DENND2D: variants seen among roughly 807,000 people sequenced by gnomAD.
DENND2D encodes the protein DENN domain containing 2D, also known as DENN domain-containing protein 2D.
Under a neutral mutation model 59.8 loss-of-function variants are expected in DENND2D, and 37 were observed. That is an observed-to-expected ratio of 0.62 (90% CI 0.48 to 0.81). DENND2D has a LOEUF of 0.81. Ranked by LOEUF, DENND2D falls within the 40% of genes least tolerant of loss-of-function variation. The pLI is 0.00. For missense variants in DENND2D, 525 were observed against 579.7 expected (o/e 0.91, Z 0.97); for synonymous variants, 219 against 211.3 (o/e 1.04, Z -0.31).
intron 2 of DENND2D, 82 bp from the exon 3 acceptor site, chr1:111,198,824 C>A: frequency 7.0e-7 from 1 of 1,425,176 alleles, no homozygotes. Flanking sequence ...GGTGGGCTTC[C>A]TTTGAGGCTC....
At chr1:111,198,447 A>G (rs1658462388) in intron 3 of DENND2D, among the ~76,000 whole-genome samples, 183 bp downstream of exon 3, 1 of 152,214 alleles carries the variant, frequency 6.6e-6, no homozygotes, top group Admixed American at 6.5e-5. Context: ...GTGACTGATC[A>G]AACTGATAGC....
rs1380954448 is a variant in DENND2D at position 111,186,826 on chromosome 1, G to A, written c.*779C>T. Among the ~76,000 whole-genome samples, 1 of 152,206 alleles carries A rather than the reference G, an allele frequency of 6.6e-6. No homozygotes were observed. Among genetic ancestry groups the A allele is most frequent in the African/African-American group, 2.4e-5 (1 of 41,456 alleles). On this transcript the variant is annotated 3_prime_UTR_variant, in exon 12 of 12. Coordinates refer to ENST00000357640, the MANE Select transcript of DENND2D (RefSeq NM_024901.5). ...AAACAGACCTACGTATGGAAGCCAT[G>A]TAGTGTTCTTCACAGGCTGCTGTTG...
intron 8 of DENND2D, among the ~76,000 whole-genome samples, chr1:111,191,343 C>G (rs1314330810): frequency 6.6e-6 from 1 of 152,188 alleles, no homozygotes; most frequent in Non-Finnish European, 1.5e-5. Context: ...GGATAAGTCT[C>G]TGGAGCTCAG....
chr1:111,197,970 G>A lies in DENND2D; in HGVS notation c.376C>T (p.Leu126=). ...TTTCTGCTCCCATCCACATTGGTCA[G>A]AACGAAGGAGAAGGTCTCCCTAAGA... ...EYPRETFSFV[L]TNVDGSRKIG... Residue 126 remains leucine, a synonymous_variant, in exon 4 of 12, where the codon CTG becomes TTG. Transcript: ENST00000357640. 3 of 1,614,120 alleles carry A rather than the reference G, an allele frequency of 1.9e-6. No individual in the cohort carries two copies. The highest frequency in any genetic ancestry group is 2.5e-6 in the Non-Finnish European group (3 of 1,180,020).
At chr1:111,194,802 C>A in intron 6 of DENND2D, 76 bp from the exon 7 acceptor site, 2 of 1,521,682 alleles carry the variant, frequency 1.3e-6, no homozygotes, top group South Asian at 1.2e-5. Flanking sequence ...TAGGCCTCTA[C>A]CAGCCTCTAT....
At chr1:111,196,093 G>A (rs760700719) in intron 5 of DENND2D, 37 bp from the exon 6 acceptor site, 40 of 1,574,912 alleles carry the variant, frequency 2.5e-5, no homozygotes, top group Non-Finnish European at 3.4e-5. Flanking sequence ...ACGGCTCAAA[G>A]GGACACTACC....
At chr1:111,203,355 C>T (rs192974544), upstream of DENND2D, among the ~76,000 whole-genome samples, 68 of 152,320 alleles carry the variant, frequency 4.5e-4, 1 homozygote, top group Non-Finnish European at 7.9e-4. Flanking sequence ...GGCCTCCTGG[C>T]GTGCCAATGT....
chr1:111,200,562 C>T lies in DENND2D; in HGVS notation c.-103G>A, dbSNP rs778697212. 205 of 1,522,492 alleles carry T rather than the reference C, an allele frequency of 1.3e-4. No individual in the cohort carries two copies. Among genetic ancestry groups the T allele is most frequent in the Non-Finnish European group, 1.5e-4 (175 of 1,129,736 alleles). 94.3% of individuals were successfully genotyped at this position (1,522,492 alleles called of 1,614,324 possible). The stretch of plus-strand genomic sequence containing the variant: ...GCTGCTTCGGTCTCCAGCCACAACT[C>T]TGTGAAGCCAAGCCACGCGCTGTCT... On this transcript the variant is annotated 5_prime_UTR_variant, in exon 1 of 12. Coordinates refer to ENST00000357640, the MANE Select transcript of DENND2D (RefSeq NM_024901.5).
chr1:111,191,866 C>A (rs1298108850), intron 8 of DENND2D, among the ~76,000 whole-genome samples: 1 of 152,304 alleles, frequency 6.6e-6, no homozygotes, highest in South Asian at 2.1e-4. Context: ...CTATCCACTG[C>A]CCCTTATGCC....
At chr1:111,198,040 A>C (rs920263693) in intron 3 of DENND2D, 51 bp from the exon 4 acceptor site, 2 of 1,586,568 alleles carry the variant, frequency 1.3e-6, no homozygotes, top group East Asian at 4.5e-5. Context: ...GAATCCTAAA[A>C]CAGGAAAGTG....
chr1:111,193,333 CTGAAGAAAGTAAACGTCTGAGAGG>C (rs1370031853), intron 7 of DENND2D, among the ~76,000 whole-genome samples: 1 of 152,184 alleles, frequency 6.6e-6, no homozygotes. Context: ...TGGGATTTCC[CTGAAGAAAGTAAACGTCTGAGAGG>C]TGAATCCTGC....
chr1:111,199,956 C>A, intron 1 of DENND2D, 158 bp from the exon 2 acceptor site: 1 of 922,156 alleles, frequency 1.1e-6, no homozygotes, highest in Non-Finnish European at 1.6e-6. Context: ...GGATCAGGGC[C>A]AAATGGGCAG....
upstream of DENND2D, chr1:111,204,389 G>A: frequency 7.3e-7 from 1 of 1,360,880 alleles, no homozygotes; most frequent in Non-Finnish European, 9.4e-7. Context: ...TCCCAGCTCC[G>A]CGCTGGCCCC....
chr1:111,197,865 G>C, intron 4 of DENND2D, 55 bp downstream of exon 4: 3 of 1,611,168 alleles, frequency 1.9e-6, no homozygotes, highest in Non-Finnish European at 1.7e-6. Flanking sequence ...AGCAAGCCCA[G>C]CCGTGGAGCT....
In DENND2D at chr1:111,192,143, T is replaced by G; in HGVS notation, c.969A>C (p.Glu323Asp). ...CACTCTTCTTGCCACATCATACCTC[T>G]TCCATAGGGCTGTCCATGACCTCCT... ...FQQEVMDSPM[E>D]EVLLVNLCEG... The change falls in exon 8 of 12, where the codon GAA (glutamate) becomes GAC (aspartate). Residue 323 changes from glutamate (E) to aspartate (D), a missense_variant. This residue lies in a region of DENND2D where 225 missense variants were observed against 252.4 expected (regional missense o/e 0.89). Transcript: ENST00000357640. 1 of 1,597,502 alleles carries G rather than the reference T, an allele frequency of 6.3e-7. No individual in the cohort carries two copies. Among genetic ancestry groups the G allele is most frequent in the Non-Finnish European group, 8.5e-7 (1 of 1,169,786 alleles).
At position 111,200,350 on chromosome 1, in the gene DENND2D, A is replaced by T. The variant is rs111300880; in HGVS notation, c.67+43T>A. ...CAAGGAAGAAACAGTCCCGCCTAAG[A>T]GGGTCACCCTAAAAACAAGGAAGTA... On this transcript the variant is annotated intron_variant, in intron 1 of 11. Coordinates refer to ENST00000357640, the MANE Select transcript of DENND2D (RefSeq NM_024901.5). 1.9e-6 allele frequency: 3 copies of T among 1,597,252 alleles called. No individual in the cohort carries two copies. The South Asian group carries it at 3.4e-5, about 18-fold the overall frequency.
chr1:111,204,248 C>A, upstream of DENND2D: 1 of 1,448,714 alleles, frequency 6.9e-7, no homozygotes, highest in South Asian at 1.4e-5. Context: ...AGCCCCGGCT[C>A]CCCGGTGCCC....
rs369639340 is a variant in DENND2D, at chr1:111,188,251, T to C, written c.1219A>G (p.Arg407Gly). Residue 407 changes from arginine (R) to glycine (G), a missense_variant, in exon 11 of 12, where the codon AGA becomes GGA. Arg to Gly is a moderately radical substitution (Grantham distance 125). Coordinates refer to ENST00000357640, the MANE Select transcript of DENND2D (RefSeq NM_024901.5). ...EANGQGHFQE[R>G]SFCKALTSKT... ...GAGGTCAGAGCCTTACAGAAGGATCTTTCTTGGAAGTGGCCTTGCCCATTT... is the reference window on the plus strand; with the variant it reads ...GAGGTCAGAGCCTTACAGAAGGATCCTTCTTGGAAGTGGCCTTGCCCATTT... 4.3e-6 allele frequency: 7 copies of C among 1,614,098 alleles called. No individual in the cohort carries two copies. The highest frequency in any genetic ancestry group is 4.2e-6 in the Non-Finnish European group (5 of 1,180,040).
At position 111,186,939 on chromosome 1, in the gene DENND2D, C is replaced by T. The variant is rs527825625; in HGVS notation, c.*666G>A. On this transcript the variant is annotated 3_prime_UTR_variant, in exon 12 of 12. Transcript: ENST00000357640. Reference sequence around the variant, plus strand: ...TCCTCCCAGGATTCTGGAAAGCACACCTGACTCCAAACCAAGGACTTAGAT... The same window carrying T: ...TCCTCCCAGGATTCTGGAAAGCACATCTGACTCCAAACCAAGGACTTAGAT... Among the ~76,000 whole-genome samples, 1 of 152,256 alleles carries T rather than the reference C, an allele frequency of 6.6e-6. No homozygotes were observed. The highest frequency in any genetic ancestry group is 2.4e-5 in the African/African-American group (1 of 41,546).
Sources: allele counts gnomAD v4.1 joint callset (sites outside exome capture counted in the v4.1 genomes callset), GRCh38; gene constraint gnomAD v4.1.1; regional missense constraint gnomAD v4.1.1; transcripts MANE v1.5; gene names NCBI Gene and HGNC (gene_info 2026-07-23, HGNC 2026-07-21).